DAAM1: variants seen among roughly 807,000 people sequenced by gnomAD.
The protein encoded by DAAM1 is dishevelled associated activator of morphogenesis 1, also known as disheveled-associated activator of morphogenesis 1.
In DAAM1, 52 loss-of-function variants were observed where a neutral mutation model predicts 130.0. That is an observed-to-expected ratio of 0.40 (90% CI 0.32 to 0.50). The LOEUF is 0.50. Ranked by LOEUF, DAAM1 falls within the 20% of genes least tolerant of loss-of-function variation. DAAM1 has a pLI of 0.61. For missense variants in DAAM1, 1,134 were observed against 1,303.8 expected (o/e 0.87, Z 2.01); for synonymous variants, 452 against 444.5 (o/e 1.02, Z -0.21).
chr14:59,298,921 G>A (rs188882890), intron 3 of DAAM1, among the ~76,000 whole-genome samples: 4 of 152,254 alleles, frequency 2.6e-5, no homozygotes, highest in East Asian at 1.9e-4. Context: ...GTTGCTTCTC[G>A]TAGATGCCCA....
At chr14:59,258,132 A>G (rs1881993926) in intron 1 of DAAM1, among the ~76,000 whole-genome samples, 1 of 152,184 alleles carries the variant, frequency 6.6e-6, no homozygotes, top group Admixed American at 6.5e-5. Flanking sequence ...CTCTTCCCTT[A>G]GTGCCCAGCA....
chr14:59,199,728 G>T (rs1888039120), intron 1 of DAAM1, among the ~76,000 whole-genome samples: 1 of 152,148 alleles, frequency 6.6e-6, no homozygotes, highest in South Asian at 2.1e-4. Flanking sequence ...CTAACCCAGG[G>T]TTTCCCAACA....
At chr14:59,242,362 TA>T (rs1198433694) in intron 1 of DAAM1, among the ~76,000 whole-genome samples, 2 of 152,122 alleles carry the variant, frequency 1.3e-5, no homozygotes, top group African/African-American at 2.4e-5. Context: ...ATAATAATAA[TA>T]GTAACAACAA....
chr14:59,312,280 G>T (rs1190545263), intron 3 of DAAM1, among the ~76,000 whole-genome samples: 1 of 152,176 alleles, frequency 6.6e-6, no homozygotes, highest in African/African-American at 2.4e-5. Context: ...ATTATTGTCA[G>T]AGCTAGCATT....
At chr14:59,210,204 G>A (rs895632398) in intron 1 of DAAM1, among the ~76,000 whole-genome samples, 1 of 152,128 alleles carries the variant, frequency 6.6e-6, no homozygotes, top group Admixed American at 6.5e-5. Context: ...GCAAATTGAC[G>A]CTCTTGACAG....
chr14:59,218,790 G>T (rs1425361178), intron 1 of DAAM1, among the ~76,000 whole-genome samples: 1 of 152,076 alleles, frequency 6.6e-6, no homozygotes, highest in African/African-American at 2.4e-5. Flanking sequence ...TTAAGTCTCG[G>T]CATTTGTTAG....
chr14:59,334,903 A>G (rs186831439), intron 15 of DAAM1, among the ~76,000 whole-genome samples: 2 of 152,322 alleles, frequency 1.3e-5, no homozygotes, highest in African/African-American at 2.4e-5. Flanking sequence ...AATATGGACT[A>G]CAAGATGATA....
intron 1 of DAAM1, among the ~76,000 whole-genome samples, chr14:59,233,134 A>G (rs1411297254): frequency 6.6e-6 from 1 of 152,176 alleles, no homozygotes; most frequent in Non-Finnish European, 1.5e-5. Context: ...AATGATTTAT[A>G]TTCCTTTGGG....
At chr14:59,327,634 C>T (rs1885266305) in intron 12 of DAAM1, among the ~76,000 whole-genome samples, 1 of 151,962 alleles carries the variant, frequency 6.6e-6, no homozygotes, top group South Asian at 2.1e-4. Flanking sequence ...GTCTCAATCT[C>T]CTGACCTCGT....
At position 59,275,202 on chromosome 14, in the gene DAAM1, G is replaced by A. The variant is rs139875152; in HGVS notation, c.183+11542G>A. ...ACTTTACAGCTGGTGCTGTATCCCC[G>A]GAGATGAAGTACTTCCATTCAATTA... On this transcript the variant is annotated intron_variant, in intron 2 of 24. Transcript: ENST00000360909. Among the ~76,000 whole-genome samples, 15 of 152,166 alleles carry A rather than the reference G, an allele frequency of 9.9e-5. No individual in the cohort carries two copies. In the East Asian group the frequency reaches 1.9e-3, roughly 20 times the overall value.
chr14:59,359,903 G>A (rs910479896), intron 21 of DAAM1, among the ~76,000 whole-genome samples: 1 of 152,140 alleles, frequency 6.6e-6, no homozygotes, highest in African/African-American at 2.4e-5. Context: ...TTATGCAAAT[G>A]AAGAAACTAA....
chr14:59,364,838 C>CTGTCAGAGGGGATGTCAAATGGGA (rs1886852079), intron 23 of DAAM1, among the ~76,000 whole-genome samples: 1 of 151,034 alleles, frequency 6.6e-6, no homozygotes, highest in Non-Finnish European at 1.5e-5. Context: ...CAAATGGCTG[C>CTGTCAGAGGGGATGTCAAATGGGA]TGTCAGAGGT....
Position 59,352,609 on chromosome 14 carries a change from T to C in DAAM1, c.2244T>C (p.Asp748=), listed in dbSNP as rs1886329901. 1 of 1,613,106 alleles carries C rather than the reference T, an allele frequency of 6.2e-7. No individual in the cohort carries two copies. The highest frequency in any genetic ancestry group is 1.3e-5 in the African/African-American group (1 of 74,934). Reference sequence around the variant, plus strand: ...AACTGGATCGGATGGCCAAGGCTGATAGGTTCCTTTTTGAGATGAGCCGGT... The same window carrying C: ...AACTGGATCGGATGGCCAAGGCTGACAGGTTCCTTTTTGAGATGAGCCGGT... ...KHELDRMAKA[D]RFLFEMSRIN... is the part of the protein sequence containing the mutation. The change falls in exon 18 of 25, where the codon GAT becomes GAC. Residue 748 remains aspartate (D), a synonymous_variant. Coordinates refer to ENST00000360909, the MANE Select transcript of DAAM1 (RefSeq NM_001270520.2).
chr14:59,222,092 T>A (rs902870589), intron 1 of DAAM1, among the ~76,000 whole-genome samples: 1 of 152,126 alleles, frequency 6.6e-6, no homozygotes, highest in Non-Finnish European at 1.5e-5. Flanking sequence ...TGTAACTGAG[T>A]CTTCAGAAGG....
At chr14:59,296,267 A>T (rs1883950719) in intron 3 of DAAM1, among the ~76,000 whole-genome samples, 1 of 152,172 alleles carries the variant, frequency 6.6e-6, no homozygotes, top group African/African-American at 2.4e-5. Context: ...CCTGGCATTG[A>T]GAGATGAGGA....
chr14:59,228,960 A>G (rs545220807), intron 1 of DAAM1, among the ~76,000 whole-genome samples: 32 of 152,320 alleles, frequency 2.1e-4, no homozygotes, highest in Non-Finnish European at 2.8e-4. Context: ...TTGACTTTTA[A>G]AAGTTACATT....
chr14:59,303,770 T>C (rs1884271622), intron 3 of DAAM1, among the ~76,000 whole-genome samples: 1 of 152,036 alleles, frequency 6.6e-6, no homozygotes, highest in Non-Finnish European at 1.5e-5. Context: ...CATGGTGGCG[T>C]GTGCCTGTAA....
In DAAM1 at chr14:59,367,619, A is replaced by G; in HGVS notation, c.2997+20A>G. The G allele has an allele frequency of 6.2e-7, 1 of 1,606,420 alleles. No individual in the cohort carries two copies. Among genetic ancestry groups the G allele is most frequent in the Non-Finnish European group, 8.5e-7 (1 of 1,175,956 alleles). Reference sequence around the variant, plus strand: ...GCTCAGGTGAGAGGATGATTAATTGACCAATTCCACCTCCTAGAAGTTCTA... The same window carrying G: ...GCTCAGGTGAGAGGATGATTAATTGGCCAATTCCACCTCCTAGAAGTTCTA... On this transcript the variant is annotated intron_variant, in intron 24 of 24. Transcript: ENST00000360909.
At chr14:59,266,743 C>T (rs1418272367) in intron 2 of DAAM1, among the ~76,000 whole-genome samples, 1 of 152,208 alleles carries the variant, frequency 6.6e-6, no homozygotes, top group Non-Finnish European at 1.5e-5. Flanking sequence ...GCCCCAGGTT[C>T]TCTTGAGTAA....
Sources: gnomAD v4.1 joint callset for allele counts (sites outside exome capture counted in the v4.1 genomes callset) on GRCh38, gnomAD v4.1.1 for gene constraint, MANE v1.5 for transcripts, NCBI Gene and HGNC (gene_info 2026-07-23, HGNC 2026-07-21) for gene names.